ACER3: variants seen among roughly 807,000 people sequenced by gnomAD.
The protein encoded by ACER3 is alkaline ceramidase 3.
In ACER3, 16 loss-of-function variants were observed where a neutral mutation model predicts 48.9. The ratio of observed to expected loss-of-function variants is 0.33; its 90% CI spans 0.22 to 0.50. The LOEUF is 0.50. ACER3 is among the 20% of genes least tolerant of loss of function. ACER3 has a pLI of 0.98. For missense variants in ACER3, 227 were observed against 326.0 expected, an observed-to-expected ratio of 0.70 and a Z score of 2.34; for synonymous variants, 109 against 107.8, an observed-to-expected ratio of 1.01 and a Z score of -0.07.
rs560343239 is a variant in ACER3, at chr11:76,867,060, T to A, written c.103+5981T>A. Among the ~76,000 whole-genome samples the A allele has an allele frequency of 2.1e-4, 32 of 152,310 alleles. 1 individual carries two copies. The South Asian group carries it at 6.0e-3, about 29-fold the overall frequency. On this transcript the variant is annotated intron_variant, in intron 1 of 10. Coordinates refer to ENST00000532485, the MANE Select transcript of ACER3 (RefSeq NM_018367.7). ...GTGAATATGGGTGTTCAGAAAAGAATTACCCGGTTAAAAGTCATTCAAAAT... is the reference window on the plus strand; with the variant it reads ...GTGAATATGGGTGTTCAGAAAAGAAATACCCGGTTAAAAGTCATTCAAAAT...
chr11:76,974,287 G>A (rs1370434599), intron 3 of ACER3, among the ~76,000 whole-genome samples: 4 of 152,154 alleles, frequency 2.6e-5, no homozygotes, highest in Non-Finnish European at 5.9e-5. Context: ...CCAGGCTGCT[G>A]TTCTATATCT....
At chr11:76,901,688 C>T (rs1271473748) in intron 1 of ACER3, among the ~76,000 whole-genome samples, 3 of 152,064 alleles carry the variant, frequency 2.0e-5, no homozygotes, top group Non-Finnish European at 4.4e-5. Context: ...GGGTCGTGAT[C>T]GATTGAGCAA....
intron 8 of ACER3, among the ~76,000 whole-genome samples, chr11:77,015,866 G>A (rs1949355663): frequency 6.6e-6 from 1 of 152,146 alleles, no homozygotes; most frequent in African/African-American, 2.4e-5. Context: ...TTAGCACTCT[G>A]GGAGGCCGAG....
intron 1 of ACER3, among the ~76,000 whole-genome samples, chr11:76,893,231 A>G (rs1406261584): frequency 6.6e-6 from 1 of 152,162 alleles, no homozygotes; most frequent in Non-Finnish European, 1.5e-5. Flanking sequence ...CTAGCTGGGC[A>G]TAGTGACACG....
intron 2 of ACER3, among the ~76,000 whole-genome samples, chr11:76,943,251 G>T (rs1947383884): frequency 6.6e-6 from 1 of 151,846 alleles, no homozygotes; most frequent in Non-Finnish European, 1.5e-5. Flanking sequence ...GGTGTGACAT[G>T]AATTGTTAAT....
At chr11:76,969,515 A>G (rs1948234906) in intron 3 of ACER3, among the ~76,000 whole-genome samples, 1 of 151,998 alleles carries the variant, frequency 6.6e-6, no homozygotes, top group Non-Finnish European at 1.5e-5. Flanking sequence ...TTGTGGCACT[A>G]TTCACAATAG....
chr11:76,933,188 A>ATATATATG (rs1381950844), intron 2 of ACER3, among the ~76,000 whole-genome samples: 5 of 147,418 alleles, frequency 3.4e-5, no homozygotes, highest in African/African-American at 9.8e-5. Flanking sequence ...ATATATATAT[A>ATATATATG]TATATGAAAC....
At chr11:76,967,388 A>G (rs1047801929) in intron 3 of ACER3, among the ~76,000 whole-genome samples, 2 of 152,326 alleles carry the variant, frequency 1.3e-5, no homozygotes, top group African/African-American at 4.8e-5. Context: ...TACAAGGAGA[A>G]GCTGGTACCA....
intron 3 of ACER3, among the ~76,000 whole-genome samples, chr11:76,970,522 T>C (rs1948270316): frequency 6.6e-6 from 1 of 152,152 alleles, no homozygotes; most frequent in Admixed American, 6.5e-5. Flanking sequence ...ACCTGACAAC[T>C]AAATACAATG....
intron 1 of ACER3, among the ~76,000 whole-genome samples, chr11:76,924,282 G>A (rs1163524732): frequency 6.6e-6 from 1 of 152,120 alleles, no homozygotes; most frequent in African/African-American, 2.4e-5. Flanking sequence ...CAGGTAAGAG[G>A]ATAAATCTGG....
chr11:76,913,785 C>T (rs2134737398), intron 1 of ACER3, among the ~76,000 whole-genome samples: 1 of 152,282 alleles, frequency 6.6e-6, no homozygotes, highest in East Asian at 1.9e-4. Flanking sequence ...ATCACGCTAC[C>T]TGACTTCAAA....
chr11:77,022,915 A>T lies in ACER3; in HGVS notation c.*2588A>T, dbSNP rs1457305545. On this transcript the variant is annotated 3_prime_UTR_variant, in exon 11 of 11. Transcript: ENST00000532485. The stretch of plus-strand genomic sequence containing the variant: ...AAAGAAAAGAAAAGAAAATATAAGG[A>T]TGTAAAAGAAGCAATTTGCTTGCAC... 2.7e-6 allele frequency: 1 copy of T among 375,572 alleles called. No individual in the cohort carries two copies. Among genetic ancestry groups the T allele is most frequent in the Non-Finnish European group, 4.7e-6 (1 of 212,542 alleles). 23.3% of individuals were successfully genotyped at this position (375,572 alleles called of 1,614,324 possible).
chr11:77,011,935 C>T (rs1555022234), intron 7 of ACER3, among the ~76,000 whole-genome samples: 1 of 151,996 alleles, frequency 6.6e-6, no homozygotes, highest in East Asian at 1.9e-4. Context: ...ACTTTCTTAA[C>T]CTATCAATTC....
intron 1 of ACER3, among the ~76,000 whole-genome samples, chr11:76,920,395 G>A (rs1160250490): frequency 6.6e-6 from 1 of 152,118 alleles, no homozygotes; most frequent in Non-Finnish European, 1.5e-5. Context: ...GCAACTTCTC[G>A]GCTATTCAGT....
intron 7 of ACER3, 105 bp from the exon 8 acceptor site, chr11:77,014,911 G>T (rs969995401): frequency 2.8e-6 from 2 of 706,722 alleles, no homozygotes; most frequent in Admixed American, 2.5e-5. Flanking sequence ...GCAACATAGT[G>T]AGATCCCAGC....
At chr11:77,017,940 C>CTT (rs71043531) in intron 9 of ACER3, among the ~76,000 whole-genome samples, 28 of 75,728 alleles carry the variant, frequency 3.7e-4, no homozygotes, top group African/African-American at 8.1e-4. Context: ...GATCAGTGAT[C>CTT]TTTTTTTTTT....
chr11:76,928,563 A>G (rs1478918493), intron 2 of ACER3, among the ~76,000 whole-genome samples: 5 of 152,140 alleles, frequency 3.3e-5, no homozygotes, highest in Non-Finnish European at 5.9e-5. Context: ...GCTATTGCCT[A>G]GGTTTTCTTT....
chr11:76,895,170 A>T (rs6592679), intron 1 of ACER3, among the ~76,000 whole-genome samples: 103,994 of 152,088 alleles, frequency 0.68, 35,959 homozygotes, highest in Non-Finnish European at 0.74. Flanking sequence ...CCTTTCTACT[A>T]TTAATGATTT....
chr11:76,949,921 A>C (rs1458974357), intron 2 of ACER3, among the ~76,000 whole-genome samples: 1 of 152,056 alleles, frequency 6.6e-6, no homozygotes, highest in Non-Finnish European at 1.5e-5. Flanking sequence ...TCCCACATAT[A>C]CCCAACAGTT....
Sources: allele counts gnomAD v4.1 joint callset (sites outside exome capture counted in the v4.1 genomes callset), GRCh38; gene constraint gnomAD v4.1.1; transcripts MANE v1.5; gene names NCBI Gene and HGNC (gene_info 2026-07-23, HGNC 2026-07-21).